The following CALD1 variants were observed in gnomAD, a reference collection of about 807,000 sequenced individuals.
CALD1 encodes the protein caldesmon.
A neutral mutation model predicts 99.9 loss-of-function variants in CALD1; 33 were observed. The ratio of observed to expected loss-of-function variants is 0.33; its 90% CI spans 0.25 to 0.44. CALD1 has a LOEUF of 0.44. CALD1 is among the 20% of genes least tolerant of loss of function. CALD1 has a pLI of 1.00. For missense variants in CALD1, 861 were observed against 962.1 expected, an observed-to-expected ratio of 0.89 and a Z score of 1.39; for synonymous variants, 310 against 325.0, an observed-to-expected ratio of 0.95 and a Z score of 0.50.
chr7:134,838,283 A>C (rs1799522721), intron 1 of CALD1, among the ~76,000 whole-genome samples: 1 of 152,242 alleles, frequency 6.6e-6, no homozygotes, highest in Non-Finnish European at 1.5e-5. Context: ...ATAAACCTAT[A>C]CACTAAACTA....
intron 1 of CALD1, among the ~76,000 whole-genome samples, chr7:134,839,594 A>T (rs1481883089): frequency 1.3e-5 from 2 of 152,176 alleles, no homozygotes; most frequent in Admixed American, 1.3e-4. Context: ...TAGCTATTCT[A>T]GTGGTATGTA....
intron 3 of CALD1, among the ~76,000 whole-genome samples, chr7:134,898,981 T>A (rs1423397262): frequency 6.6e-6 from 1 of 152,354 alleles, no homozygotes; most frequent in South Asian, 2.1e-4. Context: ...TTATAAACAC[T>A]AATTTCTACT....
intron 1 of CALD1, among the ~76,000 whole-genome samples, chr7:134,796,176 CTAATAGA>C (rs1358439361): frequency 1.3e-5 from 2 of 152,120 alleles, no homozygotes; most frequent in Non-Finnish European, 2.9e-5. Context: ...AGATAGTGGT[CTAATAGA>C]AAATTAGCCC....
At position 134,752,575 on chromosome 7, in the gene CALD1, G is replaced by A. The variant is rs186474240; in HGVS notation, c.-130+8212G>A. Among the ~76,000 whole-genome samples the A allele has an allele frequency of 1.2e-4, 19 of 152,254 alleles. No homozygotes were observed. The East Asian group carries it at 2.9e-3, about 23-fold the overall frequency. The stretch of plus-strand genomic sequence containing the variant: ...CCATGCATGTACAGAGTTCAGGCTC[G>A]GGGAGATAAATGTGTCAAGAATGCA... On this transcript the variant is annotated intron_variant, in intron 1 of 13. Coordinates refer to the CALD1 transcript ENST00000417172.
At chr7:134,759,533 G>A (rs1418921864) in intron 1 of CALD1, among the ~76,000 whole-genome samples, 2 of 152,172 alleles carry the variant, frequency 1.3e-5, no homozygotes, top group Non-Finnish European at 2.9e-5. Context: ...GCACATTCAG[G>A]ACAATGAAAA....
intron 2 of CALD1, among the ~76,000 whole-genome samples, chr7:134,857,013 C>A (rs1299984113): frequency 6.6e-6 from 1 of 152,128 alleles, no homozygotes; most frequent in African/African-American, 2.4e-5. Context: ...TAAGAGATAA[C>A]AACCTTTTAC....
intron 6 of CALD1, among the ~76,000 whole-genome samples, chr7:134,937,352 G>GT (rs1563113379): frequency 6.6e-6 from 1 of 152,060 alleles, no homozygotes; most frequent in East Asian, 1.9e-4. Flanking sequence ...GAGCCCTGCC[G>GT]TTTTCCCAAG....
At chr7:134,797,362 C>T (rs558246300) in intron 1 of CALD1, among the ~76,000 whole-genome samples, 1 of 152,266 alleles carries the variant, frequency 6.6e-6, no homozygotes, top group African/African-American at 2.4e-5. Context: ...TCTTGTTGCC[C>T]TCAGATTTTC....
the CALD1 span, among the ~76,000 whole-genome samples, chr7:134,728,694 T>C: frequency 6.6e-6 from 1 of 152,152 alleles, no homozygotes; most frequent in Non-Finnish European, 1.5e-5. Context: ...AAGACCAGTG[T>C]TTCCAACAGC....
chr7:134,742,227 A>G (rs984364804), upstream of CALD1, among the ~76,000 whole-genome samples: 1 of 152,256 alleles, frequency 6.6e-6, no homozygotes, highest in Non-Finnish European at 1.5e-5. Context: ...TTGGTTCCCA[A>G]GGTGATGTTC....
intron 2 of CALD1, among the ~76,000 whole-genome samples, chr7:134,847,994 T>A (rs3800731): frequency 0.075 from 11,368 of 152,242 alleles, 475 homozygotes; most frequent in South Asian, 0.17. Context: ...CAATTGCTTC[T>A]GAACTCTGCT....
intron 1 of CALD1, among the ~76,000 whole-genome samples, chr7:134,746,586 T>C (rs1370476280): frequency 6.7e-6 from 1 of 149,976 alleles, no homozygotes; most frequent in East Asian, 2.0e-4. Flanking sequence ...AAGCCTATAT[T>C]GTGGTGAACT....
rs773617060 is a variant in CALD1, at chr7:134,928,920, G to A, written c.218+20G>A. 5 of 1,585,992 alleles carry A rather than the reference G, an allele frequency of 3.2e-6. No individual in the cohort carries two copies. The highest frequency in any genetic ancestry group is 2.3e-5 in the South Asian group (2 of 88,234). On this transcript the variant is annotated intron_variant, in intron 4 of 14. Coordinates refer to ENST00000361675, the MANE Select transcript of CALD1 (RefSeq NM_033138.4). ...GAACAGGTACTGTCCTCTTTGGGAC[G>A]GGGAGTTTCTAACTTGCGTCTTAGC...
At chr7:134,936,279 C>T (rs1421896838) in intron 6 of CALD1, among the ~76,000 whole-genome samples, 1 of 152,110 alleles carries the variant, frequency 6.6e-6, no homozygotes, top group Non-Finnish European at 1.5e-5. Context: ...AAAAGTTTGG[C>T]CAAATGTTCT....
intron 3 of CALD1, among the ~76,000 whole-genome samples, chr7:134,907,535 C>G (rs113835470): frequency 1.8e-4 from 27 of 152,104 alleles, no homozygotes; most frequent in African/African-American, 4.6e-4. Context: ...TAGGTGCTTC[C>G]TGATTATATA....
At chr7:134,847,806 C>T (rs1197293882) in intron 2 of CALD1, among the ~76,000 whole-genome samples, 1 of 152,208 alleles carries the variant, frequency 6.6e-6, no homozygotes, top group Admixed American at 6.5e-5. Context: ...AAACACACAA[C>T]GGTGCCAGGA....
chr7:134,788,937 C>T (rs895163108), intron 1 of CALD1, among the ~76,000 whole-genome samples: 2 of 149,738 alleles, frequency 1.3e-5, no homozygotes, highest in African/African-American at 4.9e-5. Context: ...ATCACATGAG[C>T]TTGGGAGGTC....
chr7:134,875,902 A>G (rs190575761), intron 3 of CALD1, among the ~76,000 whole-genome samples: 214 of 152,356 alleles, frequency 1.4e-3, no homozygotes, highest in Non-Finnish European at 2.6e-3. Flanking sequence ...TTCCCTGCTT[A>G]AGGCAAAGAA....
chr7:134,900,076 A>T (rs1802881380), intron 3 of CALD1: 1 of 152,226 alleles, frequency 6.6e-6, no homozygotes, highest in Non-Finnish European at 1.5e-5. Flanking sequence ...TAAAATAAAA[A>T]CAAAACTATA....
Sources: allele counts gnomAD v4.1 joint callset (sites outside exome capture counted in the v4.1 genomes callset), GRCh38; gene constraint gnomAD v4.1.1; transcripts MANE v1.5; gene names NCBI Gene and HGNC (gene_info 2026-07-23, HGNC 2026-07-21).